The following PLAUR variants were observed in gnomAD, a reference collection of about 807,000 sequenced individuals.
PLAUR encodes urokinase plasminogen activator surface receptor.
PLAUR carries 22 observed loss-of-function variants against 33.4 expected under a neutral mutation model. That is an observed-to-expected ratio of 0.66 (90% CI 0.47 to 0.94). PLAUR has a LOEUF of 0.94. PLAUR is among the 40% of genes least tolerant of loss of function. The probability of loss-of-function intolerance (pLI) is 0.00; values close to 1 mark genes in which losing one functional copy is unlikely to be tolerated. For missense variants in PLAUR, 408 were observed against 434.7 expected (o/e 0.94, Z 0.55); for synonymous variants, 148 against 167.3 (o/e 0.88, Z 0.89).
chr19:43,662,726 T>A (rs1289311705), intron 3 of PLAUR, among the ~76,000 whole-genome samples: 1 of 151,730 alleles, frequency 6.6e-6, no homozygotes, highest in Non-Finnish European at 1.5e-5. Context: ...CACTGTTTTT[T>A]TTTTTTTTTG....
rs144494060 is a variant in PLAUR, at chr19:43,665,365, G to A, written c.261C>T (p.Ser87=). 6.2e-7 allele frequency: 1 copy of A among 1,613,896 alleles called. No individual in the cohort carries two copies. The highest frequency in any genetic ancestry group is 8.5e-7 in the Non-Finnish European group (1 of 1,179,972). ...LSYRTGLKIT[S]LTEVVCGLDL... is the part of the protein sequence containing the mutation. ...CTAACCCACACACAACCTCGGTAAGGCTGGTGATCTTCAAGCCAGTCCGAT... is the reference window on the plus strand; with the variant it reads ...CTAACCCACACACAACCTCGGTAAGACTGGTGATCTTCAAGCCAGTCCGAT... Residue 87 remains serine (S), a synonymous_variant, in exon 3 of 7, where the codon AGC becomes AGT. Transcript: ENST00000340093.
rs150917725 is a variant in PLAUR, at chr19:43,664,974, G to A, written c.310+342C>T. On this transcript the variant is annotated intron_variant, in intron 3 of 6. Transcript: ENST00000340093. ...GGTTAAGGATGAAAGTAATTGTGTCGTTGGGGTGGGGATTTGGGTAGTCTG... is the reference window on the plus strand; with the variant it reads ...GGTTAAGGATGAAAGTAATTGTGTCATTGGGGTGGGGATTTGGGTAGTCTG... 50 of 299,404 alleles carry A rather than the reference G, an allele frequency of 1.7e-4. 1 individual carries two copies. The highest frequency in any genetic ancestry group is 7.9e-4 in the South Asian group (12 of 15,152). 18.5% of individuals were successfully genotyped at this position (299,404 alleles called of 1,614,324 possible). A position where few individuals can be genotyped will look rare whatever the true frequency, so the allele number is the denominator to read the frequency against.
At chr19:43,664,232 C>T (rs1379059677) in intron 3 of PLAUR, among the ~76,000 whole-genome samples, 1 of 152,006 alleles carries the variant, frequency 6.6e-6, no homozygotes, top group Non-Finnish European at 1.5e-5. Context: ...GAAAACCAGG[C>T]AGAATCAGGA....
chr19:43,662,628 C>T (rs1967049842), intron 3 of PLAUR, among the ~76,000 whole-genome samples: 1 of 152,146 alleles, frequency 6.6e-6, no homozygotes, highest in South Asian at 2.1e-4. Context: ...TCCAGCTCAT[C>T]TCGCCCCACT....
chr19:43,664,413 T>C (rs1257188994), intron 3 of PLAUR, among the ~76,000 whole-genome samples: 1 of 152,168 alleles, frequency 6.6e-6, no homozygotes, highest in Non-Finnish European at 1.5e-5. Flanking sequence ...CCACCCTTCC[T>C]CTCCTGTGGG....
intron 3 of PLAUR, among the ~76,000 whole-genome samples, chr19:43,658,492 A>C (rs980637673): frequency 1.3e-5 from 2 of 152,168 alleles, no homozygotes; most frequent in Admixed American, 1.3e-4. Flanking sequence ...TAGATAATAC[A>C]CTACCTAATT....
At chr19:43,663,260 T>A (rs558998697) in intron 3 of PLAUR, among the ~76,000 whole-genome samples, 11 of 150,836 alleles carry the variant, frequency 7.3e-5, no homozygotes, top group African/African-American at 2.7e-4. Flanking sequence ...ATTAACCTAA[T>A]AATCAGTCAC....
chr19:43,668,611 G>A (rs1480292238), intron 1 of PLAUR, among the ~76,000 whole-genome samples: 5 of 82,842 alleles, frequency 6.0e-5, no homozygotes, highest in Non-Finnish European at 2.4e-5. Flanking sequence ...CCCGCCCCTT[G>A]GCCCCTTGAG....
chr19:43,652,515 G>A (rs1473008366), intron 5 of PLAUR, 144 bp from the exon 6 acceptor site: 2 of 766,774 alleles, frequency 2.6e-6, no homozygotes, highest in Non-Finnish European at 4.2e-6. Flanking sequence ...GGCATTTGGA[G>A]GGGGATGGTT....
chr19:43,650,008 C>CT lies in PLAUR; in HGVS notation c.755-866dup, dbSNP rs200384971. On this transcript the variant is annotated intron_variant, in intron 6 of 6. Coordinates refer to ENST00000340093, the MANE Select transcript of PLAUR (RefSeq NM_002659.4). ...AAATAATGCCAGTTTTCTCATTACG[C>CT]TTTTTTTTTGTTTTTTTTTTTGAGA... Among the ~76,000 whole-genome samples, 1,133 of 137,304 alleles carry CT rather than the reference C, an allele frequency of 8.3e-3. 21 individuals carry two copies. Among genetic ancestry groups the CT allele is most frequent in the African/African-American group, 0.022 (728 of 32,512 alleles). 90.1% of individuals were successfully genotyped at this position (137,304 alleles called of 152,430 possible). A position where few individuals can be genotyped will look rare whatever the true frequency, so the allele number is the denominator to read the frequency against.
chr19:43,663,700 G>A (rs1170450923), intron 3 of PLAUR, among the ~76,000 whole-genome samples: 2 of 151,608 alleles, frequency 1.3e-5, no homozygotes, highest in African/African-American at 2.4e-5. Flanking sequence ...AGAATCGCTC[G>A]AGCCTAGGAG....
At chr19:43,669,763 G>A (rs1411451533) in intron 1 of PLAUR, among the ~76,000 whole-genome samples, 1 of 131,420 alleles carries the variant, frequency 7.6e-6, no homozygotes, top group Non-Finnish European at 1.5e-5. Context: ...AGTGAGCCGA[G>A]ATCGCGCCAC....
chr19:43,666,305 C>A (rs4251827), intron 2 of PLAUR, among the ~76,000 whole-genome samples: 4,258 of 152,088 alleles, frequency 0.028, 201 homozygotes, highest in African/African-American at 0.096. Flanking sequence ...TCCCTCTCAA[C>A]CTTAGGTTTC....
At chr19:43,646,656 T>A, downstream of PLAUR, 1 of 658,268 alleles carries the variant, frequency 1.5e-6, no homozygotes, top group East Asian at 2.7e-5. Context: ...ACAGAGTCAC[T>A]CATATTCAAG....
chr19:43,654,603 A>G (rs1359356789), intron 5 of PLAUR, among the ~76,000 whole-genome samples: 2 of 151,734 alleles, frequency 1.3e-5, no homozygotes, highest in African/African-American at 4.8e-5. Context: ...GTACGGTGGC[A>G]TGCACCTGTA....
At chr19:43,646,369 T>C (rs1973825462), downstream of PLAUR, 1 of 684,870 alleles carries the variant, frequency 1.5e-6, no homozygotes, top group Admixed American at 2.3e-5. Context: ...CTGCTGGGGC[T>C]ACATGTCCAA....
chr19:43,668,760 C>A (rs142445042), intron 1 of PLAUR, among the ~76,000 whole-genome samples: 497 of 151,570 alleles, frequency 3.3e-3, no homozygotes, highest in African/African-American at 0.011. Context: ...CCTTCTAGCT[C>A]CTCCCGAGGT....
chr19:43,650,407 C>T (rs1973950176), intron 6 of PLAUR, among the ~76,000 whole-genome samples: 1 of 151,566 alleles, frequency 6.6e-6, no homozygotes, highest in South Asian at 2.1e-4. Flanking sequence ...TTCACTGCAA[C>T]CTCCACCTCC....
intron 2 of PLAUR, 129 bp from the exon 3 acceptor site, chr19:43,665,588 A>T (rs1967199348): frequency 2.7e-6 from 2 of 750,334 alleles, no homozygotes; most frequent in African/African-American, 1.9e-5. Context: ...TTTGAGTCGA[A>T]CTCTGTCTTT....
Sources: gnomAD v4.1 joint callset for allele counts (sites outside exome capture counted in the v4.1 genomes callset) on GRCh38, gnomAD v4.1.1 for gene constraint, MANE v1.5 for transcripts, NCBI Gene and HGNC (gene_info 2026-07-23, HGNC 2026-07-21) for gene names.